TNKS: variants seen among roughly 807,000 people sequenced by gnomAD.
TNKS encodes poly [ADP-ribose] polymerase tankyrase-1.
TNKS carries 72 observed loss-of-function variants against 135.8 expected under a neutral mutation model. The observed-to-expected ratio is 0.53, with a 90% CI of 0.44 to 0.64. The LOEUF (loss-of-function observed/expected upper bound fraction) is 0.64, where lower values mean the gene tolerates loss of function less well. TNKS is among the 30% of genes least tolerant of loss of function. The probability of loss-of-function intolerance (pLI) is 0.00; values close to 1 mark genes in which losing one functional copy is unlikely to be tolerated. For missense variants in TNKS, 1,769 were observed against 1,674.0 expected, an observed-to-expected ratio of 1.06 and a Z score of -0.99; for synonymous variants, 849 against 649.3, an observed-to-expected ratio of 1.31 and a Z score of -4.68.
intron 13 of TNKS, among the ~76,000 whole-genome samples, chr8:9,728,244 C>T (rs1402660206): frequency 1.3e-5 from 2 of 152,102 alleles, no homozygotes; most frequent in African/African-American, 4.8e-5. Flanking sequence ...AGAATTAGGC[C>T]TGGTAAATTT....
intron 1 of TNKS, among the ~76,000 whole-genome samples, chr8:9,567,462 C>G (rs1362012293): frequency 2.0e-5 from 3 of 152,204 alleles, no homozygotes; most frequent in Non-Finnish European, 2.9e-5. Flanking sequence ...GTCGCCCAGG[C>G]TGGAGCGCAG....
At chr8:9,645,937 A>T (rs1286132667) in intron 3 of TNKS, among the ~76,000 whole-genome samples, 2 of 152,166 alleles carry the variant, frequency 1.3e-5, no homozygotes, top group Non-Finnish European at 2.9e-5. Context: ...AAATAAAATA[A>T]CTGTGTTCCC....
At chr8:9,604,961 G>A (rs890418362) in intron 2 of TNKS, among the ~76,000 whole-genome samples, 1 of 151,688 alleles carries the variant, frequency 6.6e-6, no homozygotes, top group Non-Finnish European at 1.5e-5. Flanking sequence ...TCTAATCACA[G>A]TCAGACCCTC....
intron 9 of TNKS, among the ~76,000 whole-genome samples, chr8:9,709,415 A>T (rs1291868385): frequency 6.6e-6 from 1 of 152,204 alleles, no homozygotes; most frequent in Non-Finnish European, 1.5e-5. Context: ...CGAATATTAA[A>T]ATGAAGCAGA....
intron 2 of TNKS, among the ~76,000 whole-genome samples, chr8:9,583,146 C>T (rs1278565934): frequency 7.6e-6 from 1 of 132,054 alleles, no homozygotes; most frequent in African/African-American, 2.9e-5. Flanking sequence ...GCCTGGGCGA[C>T]AGAGCGAGAC....
intron 3 of TNKS, among the ~76,000 whole-genome samples, chr8:9,670,547 A>AATT (rs1447173617): frequency 2.0e-5 from 3 of 152,168 alleles, no homozygotes; most frequent in Non-Finnish European, 4.4e-5. Flanking sequence ...TTCTACCTAA[A>AATT]ACAATGTTAT....
chr8:9,563,185 T>A (rs1797404137), intron 1 of TNKS, among the ~76,000 whole-genome samples: 1 of 152,152 alleles, frequency 6.6e-6, no homozygotes, highest in South Asian at 2.1e-4. Context: ...TTCCAGAACA[T>A]TTTTTGTCAT....
intron 18 of TNKS, among the ~76,000 whole-genome samples, chr8:9,748,952 G>C (rs11990459): frequency 0.013 from 2,032 of 152,248 alleles, 26 homozygotes; most frequent in African/African-American, 0.031. Context: ...CAACTAGAAG[G>C]CAGGGGCCTC....
At chr8:9,578,978 C>G (rs763606351) in intron 1 of TNKS, among the ~76,000 whole-genome samples, 29 of 152,150 alleles carry the variant, frequency 1.9e-4, no homozygotes, top group Non-Finnish European at 2.8e-4. Context: ...CTCCGTTGAT[C>G]TCATTAAATC....
chr8:9,733,964 C>G (rs75744497), intron 15 of TNKS, among the ~76,000 whole-genome samples: 10,597 of 151,600 alleles, frequency 0.07, 399 homozygotes, highest in South Asian at 0.17. Flanking sequence ...TTATATGAAA[C>G]TAACTATAAT....
chr8:9,604,328 A>G (rs1301234153), intron 2 of TNKS, among the ~76,000 whole-genome samples: 1 of 152,132 alleles, frequency 6.6e-6, no homozygotes, highest in African/African-American at 2.4e-5. Context: ...TATTTAAAAT[A>G]TTTTAAACAG....
intron 2 of TNKS, among the ~76,000 whole-genome samples, chr8:9,604,693 G>A (rs1251117017): frequency 1.3e-5 from 2 of 151,766 alleles, no homozygotes; most frequent in African/African-American, 4.8e-5. Flanking sequence ...CCTGTAGATT[G>A]GGGTCTTCTA....
chr8:9,696,953 C>T (rs779604175), intron 5 of TNKS, among the ~76,000 whole-genome samples: 82 of 152,030 alleles, frequency 5.4e-4, no homozygotes, highest in Middle Eastern at 3.2e-3. Context: ...AAAAACTATT[C>T]TAAAAATCAT....
intron 26 of TNKS, among the ~76,000 whole-genome samples, chr8:9,772,838 T>A (rs867754329): frequency 7.5e-6 from 1 of 133,176 alleles, no homozygotes; most frequent in Non-Finnish European, 1.6e-5. Context: ...TGTCTGTGTG[T>A]GTGTGTGTGT....
At chr8:9,755,391 A>G (rs180775842) in intron 20 of TNKS, among the ~76,000 whole-genome samples, 86 of 152,260 alleles carry the variant, frequency 5.6e-4, no homozygotes, top group East Asian at 1.9e-4. Context: ...TTATTGATCA[A>G]TACATAGACG....
chr8:9,743,004 C>G (rs1463228374), intron 17 of TNKS, among the ~76,000 whole-genome samples: 1 of 152,014 alleles, frequency 6.6e-6, no homozygotes, highest in South Asian at 2.1e-4. Flanking sequence ...TTCTATCCTG[C>G]CTTGGCTGGA....
intron 5 of TNKS, among the ~76,000 whole-genome samples, chr8:9,700,842 A>C (rs375683696): frequency 6.6e-6 from 1 of 152,202 alleles, no homozygotes; most frequent in Non-Finnish European, 1.5e-5. Context: ...TTTAAAAACT[A>C]AATATATTAC....
chr8:9,611,556 A>G (rs928614480), intron 2 of TNKS, among the ~76,000 whole-genome samples: 3 of 152,120 alleles, frequency 2.0e-5, no homozygotes, highest in Non-Finnish European at 2.9e-5. Context: ...GTCACATTTT[A>G]TTTTTCTTTT....
At chr8:9,566,108 T>A (rs1302872991) in intron 1 of TNKS, among the ~76,000 whole-genome samples, 3 of 152,106 alleles carry the variant, frequency 2.0e-5, no homozygotes, top group African/African-American at 7.2e-5. Flanking sequence ...GATGTGCAGG[T>A]CTCCTCTTCC....
Sources: gnomAD v4.1 joint callset for allele counts (sites outside exome capture counted in the v4.1 genomes callset) on GRCh38, gnomAD v4.1.1 for gene constraint, MANE v1.5 for transcripts, NCBI Gene and HGNC (gene_info 2026-07-23, HGNC 2026-07-21) for gene names.